The following SFPQ variants were observed in gnomAD, a reference collection of about 807,000 sequenced individuals.
SFPQ encodes splicing factor, proline- and glutamine-rich.
Under a neutral mutation model 72.9 loss-of-function variants are expected in SFPQ, and 11 were observed. The ratio of observed to expected loss-of-function variants is 0.15; its 90% CI spans 0.09 to 0.25. The LOEUF (loss-of-function observed/expected upper bound fraction) is 0.25. Among genes scored for constraint, SFPQ ranks in the 10% least tolerant of loss-of-function variants. SFPQ has a pLI of 1.00. For synonymous variants in SFPQ, 506 were observed against 367.3 expected, an observed-to-expected ratio of 1.38 and a Z score of -4.32; for missense variants, 847 against 993.3, an observed-to-expected ratio of 0.85 and a Z score of 1.98.
In SFPQ at chr1:35,183,612, A is replaced by G. The variant is rs908377666; in HGVS notation, c.*844T>C. 1 of 1,029,286 alleles carries G rather than the reference A, an allele frequency of 9.7e-7. No individual in the cohort carries two copies. Among genetic ancestry groups the G allele is most frequent in the Admixed American group, 5.7e-5 (1 of 17,454 alleles). 63.8% of individuals were successfully genotyped at this position (1,029,286 alleles called of 1,614,324 possible). ...TACATGAAAAGACTTCATGTTTAACATCTTTAATTCAAATGTAAAAGTTCA... is the reference window on the plus strand; with the variant it reads ...TACATGAAAAGACTTCATGTTTAACGTCTTTAATTCAAATGTAAAAGTTCA... On this transcript the variant is annotated 3_prime_UTR_variant, in exon 10 of 10. Transcript: ENST00000357214.
downstream of SFPQ, chr1:35,179,263 TAAGGTTA>T (rs1024104920): frequency 9.4e-7 from 1 of 1,060,542 alleles, no homozygotes; most frequent in Non-Finnish European, 1.1e-6. Flanking sequence ...CAACCCCCAT[TAAGGTTA>T]AAAGTCCAAA....
intron 6 of SFPQ, among the ~76,000 whole-genome samples, 158 bp downstream of exon 6, chr1:35,188,845 C>G (rs567331738): frequency 3.7e-4 from 57 of 152,332 alleles, no homozygotes; most frequent in African/African-American, 1.2e-3. Flanking sequence ...CCTGTAATCC[C>G]AGCTGATCGG....
At chr1:35,180,741 A>G, downstream of SFPQ, 1 of 1,060,410 alleles carries the variant, frequency 9.4e-7, no homozygotes, top group Non-Finnish European at 1.1e-6. Context: ...AGTTTGCTAC[A>G]ATAGAGACTA....
chr1:35,193,065 G>A lies in SFPQ; in HGVS notation c.-16C>T. 6.5e-7 allele frequency: 1 copy of A among 1,542,454 alleles called. No individual in the cohort carries two copies. The highest frequency in any genetic ancestry group is 8.7e-7 in the Non-Finnish European group (1 of 1,155,024). On this transcript the variant is annotated 5_prime_UTR_variant, in exon 1 of 10. Coordinates refer to ENST00000357214, the MANE Select transcript of SFPQ (RefSeq NM_005066.3). ...CCCGAGACATGTCTGTGGTCAAGGGGCGGTCGAGGCAAAAGCGAAGAAGAC... is the reference window on the plus strand; with the variant it reads ...CCCGAGACATGTCTGTGGTCAAGGGACGGTCGAGGCAAAAGCGAAGAAGAC...
At chr1:35,186,857 A>G (rs1231415620) in intron 9 of SFPQ, 144 bp downstream of exon 9, 1 of 755,854 alleles carries the variant, frequency 1.3e-6, no homozygotes. Context: ...ATTCCTCAAT[A>G]TTACATATTT....
At position 35,190,559 on chromosome 1, in the gene SFPQ, G is replaced by T; in HGVS notation, c.1354C>A (p.Gln452Lys). 6.2e-7 allele frequency: 1 copy of T among 1,613,858 alleles called. No homozygotes were observed. The highest frequency in any genetic ancestry group is 8.5e-7 in the Non-Finnish European group (1 of 1,179,856). The change falls in exon 4 of 10, where the codon CAA becomes AAA. Residue 452 changes from glutamine (Q) to lysine (K), a missense_variant. Physicochemically the swap from Gln to Lys is moderately conservative, Grantham distance 53. Transcript: ENST00000357214. ...GGAAGACCATCTTCATCATCTAGTT[G>T]TTCAAGTGGTTCCACAATGACTGGA... is the stretch of plus-strand genomic sequence containing the variant. Reference protein sequence around the residue: ...PRPVIVEPLEQLDDEDGLPEK... With the variant: ...PRPVIVEPLEKLDDEDGLPEK...
intron 8 of SFPQ, 40 bp from the exon 9 acceptor site, chr1:35,187,162 C>G (rs1639760431): frequency 6.2e-7 from 1 of 1,613,946 alleles, no homozygotes; most frequent in Admixed American, 1.7e-5. Context: ...CACCAGGATA[C>G]TACTCTCTAC....
intron 6 of SFPQ, among the ~76,000 whole-genome samples, chr1:35,188,598 G>C (rs1639842984): frequency 2.6e-5 from 4 of 152,196 alleles, no homozygotes; most frequent in African/African-American, 9.7e-5. Context: ...GAGCTGAGGA[G>C]TTTGAGACTG....
In SFPQ at chr1:35,184,154, A is replaced by C; in HGVS notation, c.*302T>G. On this transcript the variant is annotated 3_prime_UTR_variant, in exon 10 of 10. Coordinates refer to ENST00000357214, the MANE Select transcript of SFPQ (RefSeq NM_005066.3). ...TTTTTCTATTTATTTGAAGCACAGT[A>C]AAAAAAAAAAAATTGGTACACTTTG... The C allele has an allele frequency of 6.5e-6, 2 of 308,424 alleles. No homozygotes were observed. The allele number at this position is 308,424 out of a possible 1,614,324, so 19.1% of individuals were successfully genotyped here.
At position 35,183,670 on chromosome 1, in the gene SFPQ, G is replaced by C. The variant is rs1402250190; in HGVS notation, c.*786C>G. ...CCATTTATAGGGCTTGAGATTTGTTGGTCTTTTAAAAACAAGAAATGGGGA... is the reference window on the plus strand; with the variant it reads ...CCATTTATAGGGCTTGAGATTTGTTCGTCTTTTAAAAACAAGAAATGGGGA... On this transcript the variant is annotated 3_prime_UTR_variant, in exon 10 of 10. Coordinates refer to ENST00000357214, the MANE Select transcript of SFPQ (RefSeq NM_005066.3). 1 of 1,039,030 alleles carries C rather than the reference G, an allele frequency of 9.6e-7. No individual in the cohort carries two copies. The highest frequency in any genetic ancestry group is 1.2e-6 in the Non-Finnish European group (1 of 862,504). The allele number at this position is 1,039,030 out of a possible 1,614,324, so 64.4% of individuals were successfully genotyped here. A position where few individuals can be genotyped will look rare whatever the true frequency, so the allele number is the denominator to read the frequency against.
At chr1:35,188,719 G>T (rs985372171) in intron 6 of SFPQ, among the ~76,000 whole-genome samples, 1 of 152,214 alleles carries the variant, frequency 6.6e-6, no homozygotes, top group South Asian at 2.1e-4. Context: ...CACTTTGGGA[G>T]GCAGAGACAG....
chr1:35,179,560 C>G, downstream of SFPQ: 1 of 1,052,748 alleles, frequency 9.5e-7, no homozygotes, highest in Non-Finnish European at 1.1e-6. Context: ...TAATTCCCAG[C>G]TTTTTGAGTT....
At chr1:35,180,938 A>C (rs923150005), downstream of SFPQ, 2 of 985,196 alleles carry the variant, frequency 2.0e-6, no homozygotes, top group African/African-American at 3.5e-5. Flanking sequence ...TTATCTGAGA[A>C]CTGCAACAGC....
intron 9 of SFPQ, among the ~76,000 whole-genome samples, chr1:35,186,362 G>A (rs10493067): frequency 0.23 from 34,889 of 152,080 alleles, 8,536 homozygotes; most frequent in East Asian, 0.66. Context: ...CATCAAGAAG[G>A]TTCAGATCAA....
At chr1:35,189,543 A>G (rs1007936166) in intron 4 of SFPQ, among the ~76,000 whole-genome samples, 161 bp from the exon 5 acceptor site, 3 of 152,356 alleles carry the variant, frequency 2.0e-5, no homozygotes, top group Non-Finnish European at 4.4e-5. Context: ...AAAAATACTC[A>G]GAACACTCAG....
chr1:35,190,432 T>C, intron 4 of SFPQ, 66 bp downstream of exon 4: 1 of 1,152,458 alleles, frequency 8.7e-7, no homozygotes, highest in Admixed American at 2.2e-5. Context: ...AATTGGAAAA[T>C]CACTAAAATA....
chr1:35,179,689 GA>G, downstream of SFPQ: 3 of 1,056,952 alleles, frequency 2.8e-6, no homozygotes, highest in South Asian at 1.4e-4. Flanking sequence ...CTAATCATCT[GA>G]AAGTGAACAG....
chr1:35,189,478 T>C lies in SFPQ; in HGVS notation c.1416-96A>G, dbSNP rs982561098. On this transcript the variant is annotated intron_variant, in intron 4 of 9. Transcript: ENST00000357214. ...GATCTTTTTCCTGTTCTATTTCTTG[T>C]AAAGAGTACAAAAGGCAAAAATTTT... 1.2e-4 allele frequency: 132 copies of C among 1,074,594 alleles called. 2 individuals are homozygous for C. In the South Asian group the frequency reaches 1.6e-3, roughly 13 times the overall value. 66.6% of individuals were successfully genotyped at this position (1,074,594 alleles called of 1,614,324 possible). A position where few individuals can be genotyped will look rare whatever the true frequency, so the allele number is the denominator to read the frequency against.
rs778051389 is a variant in SFPQ at position 35,187,216 on chromosome 1, T to C, written c.1851A>G (p.Ala617=). The C allele has an allele frequency of 1.2e-6, 2 of 1,614,176 alleles. No individual in the cohort carries two copies. The highest frequency in any genetic ancestry group is 1.7e-6 in the Non-Finnish European group (2 of 1,180,040). ...ERDMRMGGGG[A]MNMGDPYGSG... Reference sequence around the variant, plus strand: ...TTTCACACTTACCTCCCATGTTCATTGCTCCTCCGCCACCCATTCGCATGT... The same window carrying C: ...TTTCACACTTACCTCCCATGTTCATCGCTCCTCCGCCACCCATTCGCATGT... Residue 617 remains alanine (A), a synonymous_variant, in exon 8 of 10, where the codon GCA becomes GCG. Coordinates refer to ENST00000357214, the MANE Select transcript of SFPQ (RefSeq NM_005066.3).
Sources: gnomAD v4.1 joint callset for allele counts (sites outside exome capture counted in the v4.1 genomes callset) on GRCh38, gnomAD v4.1.1 for gene constraint, MANE v1.5 for transcripts, NCBI Gene and HGNC (gene_info 2026-07-23, HGNC 2026-07-21) for gene names.